The following HTR3B variants were observed in gnomAD, a reference collection of about 807,000 sequenced individuals.
HTR3B encodes 5-hydroxytryptamine (serotonin) receptor 3B, ionotropic.
In HTR3B, 44 loss-of-function variants were observed where a neutral mutation model predicts 42.8. The ratio of observed to expected loss-of-function variants is 1.03; its 90% confidence interval spans 0.81 to 1.32. The LOEUF (loss-of-function observed/expected upper bound fraction) is 1.32, where lower values mean the gene tolerates loss of function less well. Among genes scored for constraint, HTR3B ranks in the 40% most tolerant of loss-of-function variants. The pLI is 0.00. For missense variants in HTR3B, 527 were observed against 536.5 expected (o/e 0.98, Z 0.17); for synonymous variants, 203 against 209.0 (o/e 0.97, Z 0.25).
At chr11:113,921,444 C>G (rs891538049) in intron 2 of HTR3B, among the ~76,000 whole-genome samples, 2 of 151,964 alleles carry the variant, frequency 1.3e-5, no homozygotes, top group East Asian at 3.9e-4. Flanking sequence ...GCACCCGGCC[C>G]CTTCGTATTT....
chr11:113,932,149 A>G, intron 4 of HTR3B, 140 bp from the exon 5 acceptor site: 1 of 704,400 alleles, frequency 1.4e-6, no homozygotes, highest in South Asian at 1.8e-5. Context: ...AGGGTGAATC[A>G]TCTCATGGAA....
intron 7 of HTR3B, among the ~76,000 whole-genome samples, 169 bp downstream of exon 7, chr11:113,943,361 A>T (rs1320368012): frequency 7.2e-5 from 11 of 152,058 alleles, no homozygotes; most frequent in Non-Finnish European, 1.6e-4. Context: ...ACATAGTGAG[A>T]CTTTACTAAA....
intron 6 of HTR3B, among the ~76,000 whole-genome samples, chr11:113,937,520 G>T (rs1282973923): frequency 6.6e-6 from 1 of 152,210 alleles, no homozygotes; most frequent in Admixed American, 6.5e-5. Flanking sequence ...CTTAGCCTAT[G>T]CCAAGCACCA....
chr11:113,907,689 T>A (rs1245611124), intron 1 of HTR3B, among the ~76,000 whole-genome samples: 2 of 152,084 alleles, frequency 1.3e-5, no homozygotes, highest in African/African-American at 4.8e-5. Context: ...GGAATTTGAG[T>A]CTTTGTGAGC....
Position 113,937,961 on chromosome 11 carries a change from TC to T in HTR3B, c.696+4870del, listed in dbSNP as rs1240877058. On this transcript the variant is annotated intron_variant, in intron 6 of 8. Transcript: ENST00000260191. ...CTGGGCATTCTGAGGGAGAATCTGC[TC>T]CTTGCCTCTCCTCTGCCTCTGGTTG... Among the ~76,000 whole-genome samples the T allele has an allele frequency of 3.3e-5, 5 of 152,310 alleles. No homozygotes were observed. The East Asian group carries it at 9.6e-4, about 29-fold the overall frequency.
intron 6 of HTR3B, among the ~76,000 whole-genome samples, chr11:113,937,802 C>T (rs968832133): frequency 6.6e-6 from 1 of 152,186 alleles, no homozygotes; most frequent in South Asian, 2.1e-4. Context: ...CTTGGCAGGT[C>T]GCGTGTATTA....
intron 2 of HTR3B, among the ~76,000 whole-genome samples, chr11:113,921,313 T>G (rs113275625): frequency 6.6e-6 from 1 of 151,268 alleles, no homozygotes; most frequent in African/African-American, 2.4e-5. Flanking sequence ...GCCTGGCTAA[T>G]TTTTGTACTT....
chr11:113,921,996 G>A (rs1370619190), intron 2 of HTR3B, among the ~76,000 whole-genome samples: 4 of 151,880 alleles, frequency 2.6e-5, no homozygotes, highest in African/African-American at 7.3e-5. Context: ...ATCTTCTCCC[G>A]GTTCTCAGTA....
At position 113,943,177 on chromosome 11, in the gene HTR3B, A is replaced by G. The variant is rs945265292; in HGVS notation, c.892A>G (p.Ser298Gly). The change falls in exon 7 of 9, where the codon AGC becomes GGC. Residue 298 changes from serine (S) to glycine (G), a missense_variant. Physicochemically the swap from Ser to Gly is moderately conservative, Grantham distance 56. Transcript: ENST00000260191. ...CAACCAGGTGCCACGGAGTGTAGGG[A>G]GCACCCCTCTGATTGGTAAGCAGCC... Reference protein sequence around the residue: ...MSNQVPRSVGSTPLIGHFFTI... With the variant: ...MSNQVPRSVGGTPLIGHFFTI... 6.2e-7 allele frequency: 1 copy of G among 1,613,472 alleles called. No homozygotes were observed. The highest frequency in any genetic ancestry group is 8.5e-7 in the Non-Finnish European group (1 of 1,179,698).
chr11:113,945,887 T>G lies in HTR3B; in HGVS notation c.1091-15T>G. ...AGTCCCTGGCTCACCCAGGGTGTTT[T>G]CCTCCATCACACAGAGTCCTCGCTG... On this transcript the variant is annotated splice_polypyrimidine_tract_variant and intron_variant, in intron 8 of 8. Transcript: ENST00000260191. The G allele has an allele frequency of 6.3e-7, 1 of 1,598,554 alleles. No homozygotes were observed. The highest frequency in any genetic ancestry group is 8.6e-7 in the Non-Finnish European group (1 of 1,165,956).
At position 113,946,129 on chromosome 11, in the gene HTR3B, G is replaced by A. The variant is rs377656347; in HGVS notation, c.1318G>A (p.Gly440Ser). The A allele has an allele frequency of 8.7e-6, 14 of 1,610,152 alleles. No homozygotes were observed. The highest frequency in any genetic ancestry group is 2.7e-5 in the African/African-American group (2 of 74,790). The change falls in exon 9 of 9, where the codon GGC (glycine) becomes AGC (serine). Residue 440 changes from glycine to serine, a missense_variant. Coordinates refer to ENST00000260191, the MANE Select transcript of HTR3B (RefSeq NM_006028.5). The stretch of plus-strand genomic sequence containing the variant: ...GTGCTCCCTCTGGGCACTGTGGGGC[G>A]GCGTGTGAAGACTGAAGTGTTCTTC... ...TLCSLWALWG[G>S]V
intron 2 of HTR3B, among the ~76,000 whole-genome samples, chr11:113,927,101 A>G (rs759048354): frequency 1.3e-5 from 2 of 152,022 alleles, no homozygotes; most frequent in African/African-American, 4.8e-5. Context: ...TTGTATTATC[A>G]TTTTTACTTG....
chr11:113,939,214 C>A (rs779730504), intron 6 of HTR3B, among the ~76,000 whole-genome samples: 1 of 152,124 alleles, frequency 6.6e-6, no homozygotes, highest in Non-Finnish European at 1.5e-5. Context: ...AGACAAGAGA[C>A]GGCTTTGCTT....
intron 5 of HTR3B, 118 bp from the exon 6 acceptor site, chr11:113,932,818 G>T: frequency 1.0e-6 from 1 of 981,938 alleles, no homozygotes; most frequent in Non-Finnish European, 1.5e-6. Flanking sequence ...TAAGGCCAAG[G>T]AGACTGTGCC....
chr11:113,944,839 C>G (rs78833992), intron 8 of HTR3B, 84 bp downstream of exon 8: 3 of 1,322,586 alleles, frequency 2.3e-6, no homozygotes, highest in Non-Finnish European at 2.1e-6. Flanking sequence ...CTAGGTATTG[C>G]GTTGGCCTAT....
intron 2 of HTR3B, among the ~76,000 whole-genome samples, chr11:113,914,937 G>GT (rs1227736087): frequency 6.6e-6 from 1 of 152,054 alleles, no homozygotes; most frequent in Non-Finnish European, 1.5e-5. Flanking sequence ...CACATATTCA[G>GT]TTTTTTCTTG....
chr11:113,906,010 C>T (rs1238815561), intron 1 of HTR3B, among the ~76,000 whole-genome samples: 1 of 151,962 alleles, frequency 6.6e-6, no homozygotes, highest in Non-Finnish European at 1.5e-5. Flanking sequence ...AGAAAATAAT[C>T]GTGAACATTA....
rs1303571824 is a variant in HTR3B at position 113,928,257 on chromosome 11, T to C, written c.214-3127T>C. Among the ~76,000 whole-genome samples the C allele has an allele frequency of 2.0e-5, 3 of 152,222 alleles. No homozygotes were observed. In the East Asian group the frequency reaches 5.8e-4, roughly 29 times the overall value. On this transcript the variant is annotated intron_variant, in intron 2 of 8. Coordinates refer to ENST00000260191, the MANE Select transcript of HTR3B (RefSeq NM_006028.5). ...TGCATGGTATTCCACGGTATATATGTACCACATTTTCTTTATCCAGTGTAT... is the reference window on the plus strand; with the variant it reads ...TGCATGGTATTCCACGGTATATATGCACCACATTTTCTTTATCCAGTGTAT...
upstream of HTR3B, among the ~76,000 whole-genome samples, chr11:113,904,279 T>C (rs566920082): frequency 1.3e-5 from 2 of 152,334 alleles, no homozygotes; most frequent in African/African-American, 4.8e-5. Flanking sequence ...ACTTTCTGAA[T>C]TGTGAGCAGT....
Sources: gnomAD v4.1 joint callset for allele counts (sites outside exome capture counted in the v4.1 genomes callset) on GRCh38, gnomAD v4.1.1 for gene constraint, MANE v1.5 for transcripts, NCBI Gene and HGNC (gene_info 2026-07-23, HGNC 2026-07-21) for gene names.